The following CBR4 variants were observed in gnomAD, a reference collection of about 807,000 sequenced individuals.
CBR4 encodes the protein carbonyl reductase 4, also known as 3-oxoacyl-[acyl-carrier-protein] reductase.
A neutral mutation model predicts 21.0 loss-of-function variants in CBR4; 22 were observed. The observed-to-expected ratio is 1.05, with a 90% CI of 0.75 to 1.50. The LOEUF (loss-of-function observed/expected upper bound fraction) is 1.50, where lower values mean the gene tolerates loss of function less well. Ranked by LOEUF, CBR4 falls within the 40% of genes most tolerant of loss-of-function variation. CBR4 has a pLI of 0.00. For synonymous variants in CBR4, 100 were observed against 104.4 expected (o/e 0.96, Z 0.26); for missense variants, 302 against 286.3 (o/e 1.05, Z -0.40).
At chr4:168,963,944 T>C (rs1052657317) in intron 2 of CBR4, among the ~76,000 whole-genome samples, 7 of 152,030 alleles carry the variant, frequency 4.6e-5, no homozygotes, top group African/African-American at 7.3e-5. Flanking sequence ...CCAAGAACAG[T>C]TGGGGAACAT....
At chr4:168,945,287 T>C (rs1763371545) in intron 2 of CBR4, among the ~76,000 whole-genome samples, 1 of 152,196 alleles carries the variant, frequency 6.6e-6, no homozygotes, top group African/African-American at 2.4e-5. Flanking sequence ...GGTATCTTAA[T>C]TCCCTCCCTG....
chr4:168,905,790 C>CTTTTTTTTTTTTTTTTT (rs59427697), intron 2 of CBR4, among the ~76,000 whole-genome samples: 3 of 113,096 alleles, frequency 2.7e-5, no homozygotes, highest in Non-Finnish European at 5.2e-5. Context: ...GCTTTTTTTT[C>CTTTTTTTTTTTTTTTTT]TTTTTTTTTT....
At chr4:168,936,492 G>A (rs557444776) in intron 2 of CBR4, among the ~76,000 whole-genome samples, 2 of 152,256 alleles carry the variant, frequency 1.3e-5, no homozygotes, top group African/African-American at 4.8e-5. Flanking sequence ...CCTCCGAGCT[G>A]AAGGAGCACG....
At chr4:168,971,601 G>C (rs1305243693) in intron 2 of CBR4, among the ~76,000 whole-genome samples, 4 of 151,694 alleles carry the variant, frequency 2.6e-5, no homozygotes, top group Admixed American at 2.6e-4. Context: ...GTATCTTCTT[G>C]TGATAATTGT....
chr4:168,911,324 T>C (rs932391560), intron 2 of CBR4, among the ~76,000 whole-genome samples: 3 of 152,240 alleles, frequency 2.0e-5, no homozygotes, highest in Non-Finnish European at 4.4e-5. Flanking sequence ...TATATCTTTT[T>C]CTAACCGCAT....
chr4:168,996,207 AGGAAG>A (rs745592731), intron 4 of CBR4, among the ~76,000 whole-genome samples: 18 of 152,230 alleles, frequency 1.2e-4, no homozygotes, highest in Non-Finnish European at 1.6e-4. Context: ...CCAAGTTGAA[AGGAAG>A]GGATGAATTC....
intron 2 of CBR4, among the ~76,000 whole-genome samples, chr4:168,950,940 A>C (rs1763522717): frequency 6.6e-6 from 1 of 152,160 alleles, no homozygotes; most frequent in East Asian, 1.9e-4. Flanking sequence ...TTTGCATGAA[A>C]TGCCTTTTTC....
intron 2 of CBR4, among the ~76,000 whole-genome samples, chr4:168,953,633 A>T (rs1460449516): frequency 6.6e-6 from 1 of 151,298 alleles, no homozygotes; most frequent in Non-Finnish European, 1.5e-5. Flanking sequence ...TGTGTTGCCC[A>T]GGTTGGTCTC....
chr4:169,008,971 G>A lies in CBR4; in HGVS notation c.142+977C>T, dbSNP rs972131681. 4 of 454,830 alleles carry A rather than the reference G, an allele frequency of 8.8e-6. No homozygotes were observed. In the East Asian group the frequency reaches 2.8e-4, roughly 32 times the overall value. The allele number at this position is 454,830 out of a possible 1,614,324, so 28.2% of individuals were successfully genotyped here. On this transcript the variant is annotated intron_variant, in intron 1 of 4. Coordinates refer to ENST00000306193, the MANE Select transcript of CBR4 (RefSeq NM_032783.5). ...CCACACCTGGCGTCTATAGTCCCAG[G>A]TCCTTGGGAGACTGAGGCGAGAAGA...
chr4:168,950,550 G>A (rs781326046), intron 2 of CBR4, among the ~76,000 whole-genome samples: 33 of 152,158 alleles, frequency 2.2e-4, no homozygotes, highest in Non-Finnish European at 4.4e-4. Flanking sequence ...ATGCACTGCT[G>A]AATGGAAAGT....
chr4:168,929,238 C>T (rs1304274313), intron 2 of CBR4, among the ~76,000 whole-genome samples: 1 of 152,138 alleles, frequency 6.6e-6, no homozygotes, highest in Non-Finnish European at 1.5e-5. Flanking sequence ...GCATTAATAT[C>T]TACATAGTTA....
At chr4:168,941,387 A>G (rs1763260769) in intron 2 of CBR4, among the ~76,000 whole-genome samples, 2 of 152,190 alleles carry the variant, frequency 1.3e-5, no homozygotes, top group Non-Finnish European at 2.9e-5. Flanking sequence ...GGATACAAAG[A>G]TGGTTCAGTA....
chr4:168,988,281 G>A lies in CBR4; in HGVS notation c.*1869C>T. On this transcript the variant is annotated 3_prime_UTR_variant, in exon 5 of 5. Coordinates refer to ENST00000306193, the MANE Select transcript of CBR4 (RefSeq NM_032783.5). Reference sequence around the variant, plus strand: ...AGTTTGAGATAGGCTGGGGGAGGAGGTGGAATAGCTTAAAAGGTTATATTT... The same window carrying A: ...AGTTTGAGATAGGCTGGGGGAGGAGATGGAATAGCTTAAAAGGTTATATTT... 1 of 985,208 alleles carries A rather than the reference G, an allele frequency of 1.0e-6. No homozygotes were observed. Among genetic ancestry groups the A allele is most frequent in the South Asian group, 4.7e-5 (1 of 21,288 alleles). The allele number at this position is 985,208 out of a possible 1,614,324, so 61.0% of individuals were successfully genotyped here.
At chr4:168,922,829 C>T (rs747598186) in intron 2 of CBR4, among the ~76,000 whole-genome samples, 1 of 152,152 alleles carries the variant, frequency 6.6e-6, no homozygotes, top group African/African-American at 2.4e-5. Flanking sequence ...CACATAGATA[C>T]CTCAGTGCGC....
chr4:168,971,133 T>C (rs1036458038), intron 2 of CBR4, among the ~76,000 whole-genome samples: 1 of 152,208 alleles, frequency 6.6e-6, no homozygotes, highest in Non-Finnish European at 1.5e-5. Context: ...TGCCAACATC[T>C]ATTATTTTTT....
chr4:168,913,857 G>A, intron 2 of CBR4: 1 of 988,722 alleles, frequency 1.0e-6, no homozygotes, highest in Non-Finnish European at 1.6e-6. Flanking sequence ...GAATAGGACA[G>A]TAGGCATGAT....
At chr4:168,916,442 A>G (rs930582610) in intron 2 of CBR4, among the ~76,000 whole-genome samples, 3 of 151,604 alleles carry the variant, frequency 2.0e-5, no homozygotes, top group Admixed American at 1.3e-4. Flanking sequence ...TAAGGGGGGG[A>G]AAAAGTGAAA....
chr4:168,904,999 C>T (rs1422005618), intron 2 of CBR4, among the ~76,000 whole-genome samples: 3 of 151,986 alleles, frequency 2.0e-5, no homozygotes, highest in East Asian at 2.0e-4. Flanking sequence ...TGGTGGTAGG[C>T]ACCTGTAATC....
At chr4:168,930,189 T>G (rs553872664) in intron 2 of CBR4, among the ~76,000 whole-genome samples, 5 of 152,304 alleles carry the variant, frequency 3.3e-5, no homozygotes, top group African/African-American at 1.2e-4. Flanking sequence ...TTTTAATACT[T>G]TGATAATTAC....
Sources: gnomAD v4.1 joint callset for allele counts (sites outside exome capture counted in the v4.1 genomes callset) on GRCh38, gnomAD v4.1.1 for gene constraint, MANE v1.5 for transcripts, NCBI Gene and HGNC (gene_info 2026-07-23, HGNC 2026-07-21) for gene names.